The following CAMTA1 variants were observed in gnomAD, a reference collection of about 807,000 sequenced individuals.
CAMTA1 encodes calmodulin-binding transcription activator 1.
Under a neutral mutation model 170.9 loss-of-function variants are expected in CAMTA1, and 27 were observed. That is an observed-to-expected ratio of 0.16 (90% CI 0.12 to 0.22). CAMTA1 has a LOEUF of 0.22. Among genes scored for constraint, CAMTA1 ranks in the 10% least tolerant of loss-of-function variants. The pLI is 1.00. For synonymous variants in CAMTA1, 833 were observed against 891.5 expected (o/e 0.93, Z 1.17); for missense variants, 1,619 against 2,217.2 (o/e 0.73, Z 5.42).
intron 1 of CAMTA1, among the ~76,000 whole-genome samples, chr1:6,795,807 T>C (rs550955967): frequency 1.6e-4 from 25 of 152,332 alleles, no homozygotes; most frequent in African/African-American, 6.0e-4. Context: ...TTCTAAATTT[T>C]TTTCCTGTTT....
chr1:7,163,297 G>C (rs374624340), intron 4 of CAMTA1, among the ~76,000 whole-genome samples: 3 of 128,982 alleles, frequency 2.3e-5, no homozygotes, highest in African/African-American at 2.9e-5. Context: ...AGGCTGGGGT[G>C]GGGGGAAAGG....
At position 7,299,190 on chromosome 1, in the gene CAMTA1, C is replaced by A. The variant is rs1016270626; in HGVS notation, c.438+49564C>A. ...CTGATTCCCTGCCTAGTGCTTCCTT[C>A]GTTTTCATGGATTCTTTATTAAGCA... On this transcript the variant is annotated intron_variant, in intron 5 of 22. Coordinates refer to ENST00000303635, the MANE Select transcript of CAMTA1 (RefSeq NM_015215.4). This position sits in a 1 kb window ranked among gnomAD's most constrained non-coding sequence, Gnocchi z 4.7. Among the ~76,000 whole-genome samples the A allele has an allele frequency of 6.6e-6, 1 of 152,156 alleles. No individual in the cohort carries two copies. The highest frequency in any genetic ancestry group is 2.4e-5 in the African/African-American group (1 of 41,436).
At chr1:7,757,946 C>T (rs1332493682) in intron 22 of CAMTA1, among the ~76,000 whole-genome samples, 1 of 152,128 alleles carries the variant, frequency 6.6e-6, no homozygotes, top group Non-Finnish European at 1.5e-5. Flanking sequence ...TGTGATAGAG[C>T]TGGCTCGGAG....
chr1:7,381,566 T>TG, intron 5 of CAMTA1, among the ~76,000 whole-genome samples: 1 of 151,648 alleles, frequency 6.6e-6, no homozygotes. Flanking sequence ...GTTGGACATT[T>TG]GGGTTGGTTC....
chr1:7,009,116 G>A (rs1699427037), intron 3 of CAMTA1, among the ~76,000 whole-genome samples: 1 of 152,216 alleles, frequency 6.6e-6, no homozygotes, highest in Non-Finnish European at 1.5e-5. Flanking sequence ...CTCAGGGCTG[G>A]GGAGGGGACA....
chr1:7,713,689 T>C (rs1049424571), intron 11 of CAMTA1, among the ~76,000 whole-genome samples: 11 of 152,306 alleles, frequency 7.2e-5, no homozygotes, highest in Admixed American at 6.5e-4. Context: ...AGATAGACCA[T>C]CCTCACAAAA....
At chr1:6,933,873 G>A (rs758702478) in intron 3 of CAMTA1, among the ~76,000 whole-genome samples, 4 of 152,186 alleles carry the variant, frequency 2.6e-5, no homozygotes, top group African/African-American at 7.2e-5. Flanking sequence ...TAGTGTGGCT[G>A]TATAACAAGT....
intron 5 of CAMTA1, among the ~76,000 whole-genome samples, chr1:7,328,823 C>G (rs1438674531): frequency 6.6e-6 from 1 of 152,052 alleles, no homozygotes; most frequent in African/African-American, 2.4e-5. Context: ...TTTGGAGATT[C>G]TCTTGTTCCC....
chr1:7,546,723 G>T (rs956858232), intron 6 of CAMTA1, among the ~76,000 whole-genome samples: 1 of 152,160 alleles, frequency 6.6e-6, no homozygotes, highest in Admixed American at 6.5e-5. Context: ...GTATCTCATT[G>T]TGGTTTTGAT....
intron 11 of CAMTA1, among the ~76,000 whole-genome samples, chr1:7,701,263 C>T (rs1209089819): frequency 6.6e-6 from 1 of 152,216 alleles, no homozygotes; most frequent in Admixed American, 6.5e-5. Flanking sequence ...GACTTAGCAG[C>T]AGCGTGAGTG....
rs140099448 is a variant in CAMTA1, at chr1:7,527,930, C to G, written c.510+60029C>G. The stretch of plus-strand genomic sequence containing the variant: ...ACAGCAGCACCAATGCTCTAGAGAT[C>G]GCTCCAAGAAGCTGGGGAAGGTTTG... On this transcript the variant is annotated intron_variant, in intron 6 of 22. Transcript: ENST00000303635. Among the ~76,000 whole-genome samples the G allele has an allele frequency of 1.7e-3, 261 of 152,238 alleles. 1 individual carries two copies. Among genetic ancestry groups the G allele is most frequent in the African/African-American group, 5.4e-3 (224 of 41,564 alleles).
intron 5 of CAMTA1, among the ~76,000 whole-genome samples, chr1:7,326,599 A>C (rs2082693772): frequency 6.6e-6 from 1 of 152,216 alleles, no homozygotes; most frequent in African/African-American, 2.4e-5. Flanking sequence ...GAAGGCAGAG[A>C]GTGGAATGAT....
At chr1:6,938,676 T>C (rs1317766529) in intron 3 of CAMTA1, among the ~76,000 whole-genome samples, 1 of 152,208 alleles carries the variant, frequency 6.6e-6, no homozygotes, top group African/African-American at 2.4e-5. Flanking sequence ...TGGTTCATAC[T>C]CTGATCTCTC....
In CAMTA1 at chr1:7,106,628, G is replaced by A. The variant is rs375678660; in HGVS notation, c.302+15257G>A. On this transcript the variant is annotated intron_variant, in intron 4 of 22. Transcript: ENST00000303635. ...AATTTTTAACCGCCCCCGAGTAGTG[G>A]AGCGCTTGGGAGTATTTATAGCCCC... 1.6e-4 allele frequency among the ~76,000 whole-genome samples: 24 copies of A among 152,136 alleles called. No homozygotes were observed. The East Asian group carries it at 4.3e-3, about 27-fold the overall frequency.
chr1:6,809,374 A>T (rs1395579827), intron 1 of CAMTA1, among the ~76,000 whole-genome samples: 1 of 152,106 alleles, frequency 6.6e-6, no homozygotes, highest in Non-Finnish European at 1.5e-5. Context: ...GAATGTGTAT[A>T]TACAGCGTGA....
At chr1:7,061,259 C>T (rs535074512) in intron 3 of CAMTA1, among the ~76,000 whole-genome samples, 2 of 152,360 alleles carry the variant, frequency 1.3e-5, no homozygotes, top group Admixed American at 6.5e-5. Flanking sequence ...CGGTCCTGCC[C>T]GGAGCAGAGC....
At chr1:7,073,801 G>A (rs1476437010) in intron 3 of CAMTA1, among the ~76,000 whole-genome samples, 1 of 152,204 alleles carries the variant, frequency 6.6e-6, no homozygotes, top group Non-Finnish European at 1.5e-5. Flanking sequence ...AGAATGGAAG[G>A]AGAGAACTTG....
chr1:7,652,272 T>C (rs1467088647), intron 7 of CAMTA1, among the ~76,000 whole-genome samples: 1 of 152,188 alleles, frequency 6.6e-6, no homozygotes, highest in Admixed American at 6.5e-5. Flanking sequence ...GTTGCTGAGA[T>C]GTCCTCCTTG....
intron 3 of CAMTA1, among the ~76,000 whole-genome samples, chr1:6,846,385 ATGTT>A (rs1658160784): frequency 6.6e-6 from 1 of 152,208 alleles, no homozygotes; most frequent in Non-Finnish European, 1.5e-5. Flanking sequence ...TTTCATTTGA[ATGTT>A]TGTTATGGCT....
Sources: gnomAD v4.1 joint callset for allele counts (sites outside exome capture counted in the v4.1 genomes callset) on GRCh38, gnomAD v4.1.1 for gene constraint, Gnocchi (gnomAD v3.1) non-coding constraint, MANE v1.5 for transcripts, NCBI Gene and HGNC (gene_info 2026-07-23, HGNC 2026-07-21) for gene names.